KATNAL1: variants seen among roughly 807,000 people sequenced by gnomAD.
KATNAL1 encodes katanin p60 ATPase-containing subunit A-like 1.
In KATNAL1, 32 loss-of-function variants were observed where a neutral mutation model predicts 55.2. That is an observed-to-expected ratio of 0.58 (90% CI 0.44 to 0.78). The LOEUF (loss-of-function observed/expected upper bound fraction) is 0.78. KATNAL1 is among the 30% of genes least tolerant of loss of function. The pLI is 0.00. For missense variants in KATNAL1, 466 were observed against 600.9 expected (o/e 0.78, Z 2.35); for synonymous variants, 193 against 193.6 (o/e 1.00, Z 0.02).
At chr13:30,238,119 C>T (rs1199155344) in intron 6 of KATNAL1, among the ~76,000 whole-genome samples, 1 of 152,160 alleles carries the variant, frequency 6.6e-6, no homozygotes, top group Non-Finnish European at 1.5e-5. Flanking sequence ...ACTATGCTAC[C>T]TACCTGCTCA....
chr13:30,283,877 C>CT (rs34524152), intron 1 of KATNAL1, 86 bp from the exon 2 acceptor site: 64,706 of 688,650 alleles, frequency 0.094, 31 homozygotes, highest in Non-Finnish European at 0.1. Context: ...TTTAAAACTA[C>CT]TTTTTTTTTT....
chr13:30,228,939 G>A (rs1024621904), intron 8 of KATNAL1, among the ~76,000 whole-genome samples: 1 of 152,138 alleles, frequency 6.6e-6, no homozygotes, highest in African/African-American at 2.4e-5. Flanking sequence ...TTTTTGCTAC[G>A]TTAAAGTCTT....
intron 8 of KATNAL1, 27 bp from the exon 9 acceptor site, chr13:30,227,573 A>G (rs2137387290): frequency 6.3e-7 from 1 of 1,589,892 alleles, no homozygotes; most frequent in Non-Finnish European, 8.6e-7. Context: ...AGGAAAAGAT[A>G]GTGTTTTTCT....
At chr13:30,223,441 CAAAAAAAAAAAAAAA>C (rs34451447) in intron 9 of KATNAL1, among the ~76,000 whole-genome samples, 1 of 48,770 alleles carries the variant, frequency 2.1e-5, no homozygotes, top group Non-Finnish European at 3.4e-5. Context: ...GACTCCATCT[CAAAAAAAAAAAAAAA>C]AAAAAAAAAA....
chr13:30,283,556 C>T, intron 2 of KATNAL1, 60 bp downstream of exon 2: 4 of 1,463,690 alleles, frequency 2.7e-6, no homozygotes, highest in Non-Finnish European at 3.7e-6. Flanking sequence ...CAACTCTAAT[C>T]TCTCAAGTAT....
At position 30,203,245 on chromosome 13, in the gene KATNAL1, T is replaced by C. The variant is rs1872840199; in HGVS notation, c.*5295A>G. The stretch of plus-strand genomic sequence containing the variant: ...CTAGAGAAAGAAAGATGGAATATTT[T>C]AAACAATTTCAAGATTAAAAAGAAA... On this transcript the variant is annotated 3_prime_UTR_variant, in exon 11 of 11. Coordinates refer to ENST00000380615, the MANE Select transcript of KATNAL1 (RefSeq NM_032116.5). 1.3e-5 allele frequency: 2 copies of C among 152,312 alleles called. No homozygotes were observed. The highest frequency in any genetic ancestry group is 2.9e-5 in the Non-Finnish European group (2 of 68,020). The allele number at this position is 152,312 out of a possible 1,614,324, so 9.4% of individuals were successfully genotyped here.
intron 10 of KATNAL1, 70 bp from the exon 11 acceptor site, chr13:30,208,808 G>T (rs1427948287): frequency 3.9e-6 from 4 of 1,031,642 alleles, no homozygotes; most frequent in Non-Finnish European, 4.1e-6. Flanking sequence ...TTGTAACAAA[G>T]TTATGAAAAA....
intron 4 of KATNAL1, among the ~76,000 whole-genome samples, chr13:30,247,446 T>C (rs1877901989): frequency 6.6e-6 from 1 of 152,220 alleles, no homozygotes; most frequent in Admixed American, 6.5e-5. Context: ...GCCAGTACTA[T>C]GTGCCAAGCA....
intron 3 of KATNAL1, among the ~76,000 whole-genome samples, chr13:30,268,009 T>G (rs1879914518): frequency 6.6e-6 from 1 of 152,164 alleles, no homozygotes; most frequent in Non-Finnish European, 1.5e-5. Flanking sequence ...GAAATAAAAG[T>G]ACATTTTTCT....
chr13:30,208,832 T>G, intron 10 of KATNAL1, 94 bp from the exon 11 acceptor site: 1 of 895,880 alleles, frequency 1.1e-6, no homozygotes, highest in Non-Finnish European at 1.6e-6. Flanking sequence ...ATCAAAAGAT[T>G]ATTTTATATG....
chr13:30,280,173 G>A lies in KATNAL1; in HGVS notation c.213C>T (p.Ser71=), dbSNP rs1269624556. The change falls in exon 3 of 11, where the codon AGC becomes AGT. Residue 71 remains serine, a synonymous_variant. Coordinates refer to ENST00000380615, the MANE Select transcript of KATNAL1 (RefSeq NM_032116.5). ...TGTCAATTTTAAAACTTTCTAAAGT[G>A]CTGACAATACTTTTAACTTGTTCAT... ...EEYEQVKSIV[S]TLESFKIDKP... 1.9e-6 allele frequency: 3 copies of A among 1,612,210 alleles called. No homozygotes were observed. The highest frequency in any genetic ancestry group is 2.7e-5 in the African/African-American group (2 of 74,768).
chr13:30,277,753 G>A (rs1331344701), intron 3 of KATNAL1, among the ~76,000 whole-genome samples: 1 of 151,936 alleles, frequency 6.6e-6, no homozygotes, highest in East Asian at 1.9e-4. Flanking sequence ...GGAGGCCGAG[G>A]CGGGCGGATC....
At chr13:30,305,524 A>C (rs186551056) in intron 1 of KATNAL1, among the ~76,000 whole-genome samples, 1 of 152,230 alleles carries the variant, frequency 6.6e-6, no homozygotes, top group African/African-American at 2.4e-5. Context: ...GACCAGACCC[A>C]CCTGGGCTGA....
At chr13:30,273,950 G>A (rs1351215403) in intron 3 of KATNAL1, among the ~76,000 whole-genome samples, 1 of 152,026 alleles carries the variant, frequency 6.6e-6, no homozygotes, top group Non-Finnish European at 1.5e-5. Context: ...ACTCAGTAAT[G>A]GCTCTCACAC....
At chr13:30,235,770 A>T (rs1876595128) in intron 6 of KATNAL1, among the ~76,000 whole-genome samples, 1 of 152,150 alleles carries the variant, frequency 6.6e-6, no homozygotes, top group African/African-American at 2.4e-5. Flanking sequence ...TCGTAAGTAC[A>T]GCTGCTCCCT....
chr13:30,292,153 A>G (rs1410649058), intron 1 of KATNAL1, among the ~76,000 whole-genome samples: 4 of 152,226 alleles, frequency 2.6e-5, no homozygotes, highest in Admixed American at 6.5e-5. Flanking sequence ...AAAGCCAACT[A>G]ATTTTCAACC....
Position 30,246,641 on chromosome 13 carries a change from C to T in KATNAL1, c.493-5555G>A, listed in dbSNP as rs370390765. 4.6e-5 allele frequency among the ~76,000 whole-genome samples: 7 copies of T among 152,132 alleles called. No individual in the cohort carries two copies. The East Asian group carries it at 9.6e-4, about 21-fold the overall frequency. On this transcript the variant is annotated intron_variant, in intron 4 of 10. Coordinates refer to ENST00000380615, the MANE Select transcript of KATNAL1 (RefSeq NM_032116.5). ...TGGGAGACAATTTTTGCAATCTATC[C>T]ATCTGACAAAGGGCTAATAATATCC... is the stretch of plus-strand genomic sequence containing the variant.
At chr13:30,279,501 G>C (rs1226434470) in intron 3 of KATNAL1, among the ~76,000 whole-genome samples, 8 of 152,140 alleles carry the variant, frequency 5.3e-5, no homozygotes, top group Non-Finnish European at 1.0e-4. Context: ...AGACTGCACA[G>C]ACAAGATGAC....
intron 3 of KATNAL1, among the ~76,000 whole-genome samples, chr13:30,279,636 C>T (rs1170701716): frequency 6.6e-6 from 1 of 152,176 alleles, no homozygotes; most frequent in East Asian, 1.9e-4. Context: ...TAAACATTAT[C>T]GGTAAGGTTC....
Sources: allele counts gnomAD v4.1 joint callset (sites outside exome capture counted in the v4.1 genomes callset), GRCh38; gene constraint gnomAD v4.1.1; transcripts MANE v1.5; gene names NCBI Gene and HGNC (gene_info 2026-07-23, HGNC 2026-07-21).